Variants in CEP112 observed in about 807,000 individuals in gnomAD.
The protein encoded by CEP112 is centrosomal protein 112.
In CEP112, 127 loss-of-function variants were observed where a neutral mutation model predicts 153.0. The ratio of observed to expected loss-of-function variants is 0.83; its 90% CI spans 0.72 to 0.96. The LOEUF (loss-of-function observed/expected upper bound fraction) is 0.96. Ranked by LOEUF, CEP112 falls within the 40% of genes least tolerant of loss-of-function variation. The pLI, the probability that CEP112 is intolerant of heterozygous loss-of-function variation, is 0.00. For synonymous variants in CEP112, 358 were observed against 374.4 expected, an observed-to-expected ratio of 0.96 and a Z score of 0.51; for missense variants, 1,089 against 1,101.2, an observed-to-expected ratio of 0.99 and a Z score of 0.16.
At chr17:65,949,600 A>G (rs892177428) in intron 18 of CEP112, among the ~76,000 whole-genome samples, 4 of 152,288 alleles carry the variant, frequency 2.6e-5, no homozygotes, top group Admixed American at 1.3e-4. Context: ...TACCAAGAAG[A>G]CAGAAACACA....
intron 21 of CEP112, among the ~76,000 whole-genome samples, chr17:65,781,837 C>T (rs756178406): frequency 1.3e-5 from 2 of 152,120 alleles, no homozygotes; most frequent in African/African-American, 4.8e-5. Context: ...ATCCCTTTTA[C>T]CATATACAAA....
chr17:66,119,939 T>A (rs2146445124), intron 6 of CEP112, among the ~76,000 whole-genome samples: 1 of 152,312 alleles, frequency 6.6e-6, no homozygotes, highest in East Asian at 1.9e-4. Context: ...TGTAGTGGTA[T>A]CTCATCATAG....
chr17:66,028,829 T>G (rs918774901), intron 14 of CEP112, among the ~76,000 whole-genome samples: 1 of 151,550 alleles, frequency 6.6e-6, no homozygotes, highest in Non-Finnish European at 1.5e-5. Flanking sequence ...AATGTATTAT[T>G]CATACAACTA....
intron 9 of CEP112, among the ~76,000 whole-genome samples, chr17:66,069,361 G>T (rs933079408): frequency 9.2e-5 from 14 of 151,472 alleles, no homozygotes; most frequent in Admixed American, 9.2e-4. Context: ...AACAATTTTT[G>T]CTGTGCCAGC....
At chr17:65,926,169 G>A (rs1381047734) in intron 19 of CEP112, among the ~76,000 whole-genome samples, 1 of 152,028 alleles carries the variant, frequency 6.6e-6, no homozygotes, top group Non-Finnish European at 1.5e-5. Flanking sequence ...CCCATACTCT[G>A]GCTAACCTGG....
intron 4 of CEP112, among the ~76,000 whole-genome samples, chr17:66,149,554 G>A (rs34821508): frequency 0.14 from 20,698 of 151,996 alleles, 1,813 homozygotes; most frequent in Non-Finnish European, 0.2. Flanking sequence ...TTTAGTCTTG[G>A]TAGGTCATGT....
intron 8 of CEP112, among the ~76,000 whole-genome samples, chr17:66,095,262 G>GA (rs1339033041): frequency 1.3e-5 from 2 of 151,196 alleles, no homozygotes. Context: ...ACAAATAAAT[G>GA]AAAAAAATGT....
chr17:65,760,003 G>A (rs752959155), intron 21 of CEP112, among the ~76,000 whole-genome samples: 6 of 152,154 alleles, frequency 3.9e-5, no homozygotes, highest in Non-Finnish European at 5.9e-5. Context: ...GTATACCTAA[G>A]TAGTTAATTT....
chr17:65,647,277 G>A (rs528236218), intron 24 of CEP112, among the ~76,000 whole-genome samples: 18 of 148,540 alleles, frequency 1.2e-4, no homozygotes, highest in Non-Finnish European at 2.1e-4. Flanking sequence ...GGGTTCAAGC[G>A]ATTCTCCTGC....
chr17:66,022,725 A>AAG (rs2065050595), intron 16 of CEP112, among the ~76,000 whole-genome samples: 10 of 151,632 alleles, frequency 6.6e-5, no homozygotes, highest in South Asian at 2.1e-4. Flanking sequence ...AAAAAAAAAA[A>AAG]AAAGAAATGC....
chr17:66,111,412 T>C (rs1443757348), intron 6 of CEP112, among the ~76,000 whole-genome samples: 1 of 152,146 alleles, frequency 6.6e-6, no homozygotes, highest in Non-Finnish European at 1.5e-5. Context: ...CGAATGTTCA[T>C]TGCAGTACTA....
At chr17:66,026,153 A>G (rs7220525) in intron 16 of CEP112, among the ~76,000 whole-genome samples, 140,852 of 152,056 alleles carry the variant, frequency 0.93, 65,476 homozygotes, top group East Asian at 0.97. Flanking sequence ...TTAGGAGGGG[A>G]CGAGGGATGA....
intron 24 of CEP112, among the ~76,000 whole-genome samples, chr17:65,669,920 AG>A (rs2046898226): frequency 6.8e-6 from 1 of 146,358 alleles, no homozygotes. Context: ...AAAAAAAAAA[AG>A]AGAGAAAAAT....
At chr17:65,954,738 G>A (rs1478399352) in intron 18 of CEP112, among the ~76,000 whole-genome samples, 1 of 151,952 alleles carries the variant, frequency 6.6e-6, no homozygotes, top group African/African-American at 2.4e-5. Context: ...CTCAGTAATA[G>A]AATTGAACAA....
chr17:65,971,774 C>T (rs1353559637), intron 17 of CEP112, among the ~76,000 whole-genome samples: 1 of 152,028 alleles, frequency 6.6e-6, no homozygotes, highest in Non-Finnish European at 1.5e-5. Context: ...AAGCTGGAGT[C>T]GTGATATTAA....
chr17:65,926,538 C>A (rs1037223989), intron 19 of CEP112, among the ~76,000 whole-genome samples: 8 of 151,990 alleles, frequency 5.3e-5, no homozygotes, highest in Non-Finnish European at 1.2e-4. Context: ...CATGGTGAAA[C>A]CCTGTCTCTA....
At position 65,809,190 on chromosome 17, in the gene CEP112, G is replaced by T. The variant is rs186462493; in HGVS notation, c.2394+42614C>A. Reference sequence around the variant, plus strand: ...AGAAAAAATAACTTCAAAGGCCTTAGGTAGGAACAAGCTTGAAATACTTAC... The same window carrying T: ...AGAAAAAATAACTTCAAAGGCCTTATGTAGGAACAAGCTTGAAATACTTAC... On this transcript the variant is annotated intron_variant, in intron 21 of 26. Transcript: ENST00000535342. 2.3e-3 allele frequency among the ~76,000 whole-genome samples: 349 copies of T among 152,268 alleles called. 1 individual carries two copies. Among genetic ancestry groups the T allele is most frequent in the African/African-American group, 8.2e-3 (340 of 41,550 alleles).
chr17:65,657,294 T>A lies in CEP112; in HGVS notation c.2698-16229A>T, dbSNP rs571819078. On this transcript the variant is annotated intron_variant, in intron 24 of 26. Transcript: ENST00000535342. ...AATGTTTTTCTTGTTAATAATAACA[T>A]TCCTAATATTTTTTCTTTCCTTAGG... 2.0e-5 allele frequency among the ~76,000 whole-genome samples: 3 copies of A among 152,352 alleles called. No individual in the cohort carries two copies. In the South Asian group the frequency reaches 6.2e-4, roughly 32 times the overall value.
chr17:65,768,517 T>C (rs2053137666), intron 21 of CEP112, among the ~76,000 whole-genome samples: 1 of 152,100 alleles, frequency 6.6e-6, no homozygotes, highest in Non-Finnish European at 1.5e-5. Context: ...ATAGGAAAAC[T>C]ATAGGCCAAC....
Sources: allele counts gnomAD v4.1 joint callset (sites outside exome capture counted in the v4.1 genomes callset), GRCh38; gene constraint gnomAD v4.1.1; transcripts MANE v1.5; gene names NCBI Gene and HGNC (gene_info 2026-07-23, HGNC 2026-07-21).